CHN2: variants seen among roughly 807,000 people sequenced by gnomAD.
CHN2 encodes the protein chimerin 2.
A neutral mutation model predicts 56.3 loss-of-function variants in CHN2; 35 were observed. That is an observed-to-expected ratio of 0.62 (90% CI 0.47 to 0.82). CHN2 has a LOEUF of 0.82. Ranked by LOEUF, CHN2 falls within the 40% of genes least tolerant of loss-of-function variation. The pLI is 0.00. For missense variants in CHN2, 491 were observed against 580.5 expected, an observed-to-expected ratio of 0.85 and a Z score of 1.58; for synonymous variants, 210 against 212.8, an observed-to-expected ratio of 0.99 and a Z score of 0.12.
At chr7:29,252,181 T>C (rs1420088042) in intron 1 of CHN2, among the ~76,000 whole-genome samples, 1 of 137,528 alleles carries the variant, frequency 7.3e-6, no homozygotes, top group African/African-American at 2.8e-5. Flanking sequence ...CATAAGATTA[T>C]ACAGGATTTT....
chr7:29,326,095 A>C (rs1795778923), intron 1 of CHN2, among the ~76,000 whole-genome samples: 2 of 151,506 alleles, frequency 1.3e-5, no homozygotes, highest in African/African-American at 4.9e-5. Context: ...AAGTCACGTC[A>C]CCTCTTTGGG....
intron 1 of CHN2, among the ~76,000 whole-genome samples, chr7:29,208,135 A>T (rs1784657475): frequency 6.6e-6 from 1 of 152,168 alleles, no homozygotes. Context: ...TTGGAGGAAG[A>T]TTGGCCCTGT....
intron 1 of CHN2, among the ~76,000 whole-genome samples, chr7:29,258,128 T>G (rs945097025): frequency 5.9e-5 from 9 of 152,118 alleles, no homozygotes; most frequent in African/African-American, 2.2e-4. Flanking sequence ...CTCTCTCTCT[T>G]GCCTACAGAT....
At chr7:29,224,606 G>A (rs1425139351) in intron 1 of CHN2, among the ~76,000 whole-genome samples, 2 of 152,120 alleles carry the variant, frequency 1.3e-5, no homozygotes, top group African/African-American at 2.4e-5. Flanking sequence ...CAGAAATTAT[G>A]GAATGTTATA....
At chr7:29,373,596 GT>G (rs1167719258) in intron 3 of CHN2, among the ~76,000 whole-genome samples, 1 of 152,084 alleles carries the variant, frequency 6.6e-6, no homozygotes, top group African/African-American at 2.4e-5. Context: ...GTTTTCCCTA[GT>G]TTTTGGTGTT....
At chr7:29,326,048 G>C (rs111234413) in intron 1 of CHN2, among the ~76,000 whole-genome samples, 1 of 152,096 alleles carries the variant, frequency 6.6e-6, no homozygotes, top group Non-Finnish European at 1.5e-5. Flanking sequence ...ATCTTATCCC[G>C]TCTTTACCAC....
At chr7:29,166,171 C>T (rs140568328) in intron 2 of CHN2, among the ~76,000 whole-genome samples, 20 of 152,184 alleles carry the variant, frequency 1.3e-4, no homozygotes, top group African/African-American at 2.9e-4. Flanking sequence ...GCTAGGACCA[C>T]GGGTGTGTGC....
chr7:29,238,028 T>TG, intron 1 of CHN2, among the ~76,000 whole-genome samples: 1 of 147,950 alleles, frequency 6.8e-6, no homozygotes, highest in Non-Finnish European at 1.5e-5. Flanking sequence ...TTTTTTTTTT[T>TG]TTTTTTTTAG....
At chr7:29,250,570 C>T (rs768367441) in intron 1 of CHN2, among the ~76,000 whole-genome samples, 8 of 152,166 alleles carry the variant, frequency 5.3e-5, no homozygotes, top group Non-Finnish European at 1.5e-5. Context: ...AAGTACTTTA[C>T]AAATAATTAG....
intron 2 of CHN2, among the ~76,000 whole-genome samples, chr7:29,366,536 C>T (rs1340630623): frequency 6.6e-6 from 1 of 152,186 alleles, no homozygotes; most frequent in African/African-American, 2.4e-5. Context: ...CCACTAGTCC[C>T]ACTTTCCATG....
At chr7:29,395,581 A>T (rs1801678959) in intron 4 of CHN2, among the ~76,000 whole-genome samples, 1 of 152,152 alleles carries the variant, frequency 6.6e-6, no homozygotes, top group African/African-American at 2.4e-5. Context: ...AAGAGGGAAA[A>T]TACCCATAGT....
intron 7 of CHN2, among the ~76,000 whole-genome samples, chr7:29,489,792 G>C (rs1483209542): frequency 1.3e-5 from 2 of 152,190 alleles, no homozygotes; most frequent in African/African-American, 4.8e-5. Flanking sequence ...AGGGATACTT[G>C]TTGGGAAAGG....
At chr7:29,471,960 T>A (rs943556405) in intron 6 of CHN2, among the ~76,000 whole-genome samples, 9 of 152,252 alleles carry the variant, frequency 5.9e-5, no homozygotes, top group African/African-American at 1.9e-4. Context: ...CTTTCAGGAC[T>A]GAAAACCATA....
intron 1 of CHN2, among the ~76,000 whole-genome samples, chr7:29,291,507 T>A (rs1172059820): frequency 6.6e-6 from 1 of 152,172 alleles, no homozygotes; most frequent in Non-Finnish European, 1.5e-5. Context: ...TTTTTAAATG[T>A]GGTCAGACTG....
intron 2 of CHN2, among the ~76,000 whole-genome samples, chr7:29,176,117 C>T (rs1270817848): frequency 6.6e-6 from 1 of 151,362 alleles, no homozygotes; most frequent in East Asian, 1.9e-4. Flanking sequence ...ACCTGGGAGG[C>T]GGAGCTTACA....
intron 1 of CHN2, among the ~76,000 whole-genome samples, chr7:29,207,058 C>T (rs1310029663): frequency 2.0e-5 from 3 of 152,162 alleles, no homozygotes; most frequent in African/African-American, 7.2e-5. Context: ...TGTGAATAAA[C>T]TAAAAGTCAT....
intron 1 of CHN2, among the ~76,000 whole-genome samples, chr7:29,343,774 T>A (rs1797224705): frequency 6.6e-6 from 1 of 151,896 alleles, no homozygotes; most frequent in African/African-American, 2.4e-5. Context: ...ACTCTCATGT[T>A]CCCCCTGTGT....
chr7:29,245,899 T>A (rs1168387786), intron 1 of CHN2, among the ~76,000 whole-genome samples: 1 of 152,226 alleles, frequency 6.6e-6, no homozygotes. Flanking sequence ...GATATCTCCT[T>A]GTCGAAGCCT....
intron 1 of CHN2, among the ~76,000 whole-genome samples, chr7:29,236,296 A>G (rs1476159088): frequency 6.6e-6 from 1 of 152,234 alleles, no homozygotes; most frequent in African/African-American, 2.4e-5. Flanking sequence ...TTTCTCCAAT[A>G]GTGGATCCTG....
Sources: gnomAD v4.1 joint callset for allele counts (sites outside exome capture counted in the v4.1 genomes callset) on GRCh38, gnomAD v4.1.1 for gene constraint, MANE v1.5 for transcripts, NCBI Gene and HGNC (gene_info 2026-07-23, HGNC 2026-07-21) for gene names.